Variants in PAPPA observed in about 807,000 individuals in gnomAD.
PAPPA encodes pappalysin-1.
Under a neutral mutation model 164.0 loss-of-function variants are expected in PAPPA, and 60 were observed. The observed-to-expected ratio is 0.37, with a 90% CI of 0.30 to 0.45. The LOEUF (loss-of-function observed/expected upper bound fraction) is 0.45, where lower values mean the gene tolerates loss of function less well. Ranked by LOEUF, PAPPA falls within the 20% of genes least tolerant of loss-of-function variation. The pLI is 1.00. For missense variants in PAPPA, 1,782 were observed against 2,087.3 expected (o/e 0.85, Z 2.85); for synonymous variants, 875 against 814.1 (o/e 1.07, Z -1.27).
At chr9:116,195,868 T>C (rs1844098054) in intron 2 of PAPPA, among the ~76,000 whole-genome samples, 1 of 151,276 alleles carries the variant, frequency 6.6e-6, no homozygotes, top group Non-Finnish European at 1.5e-5. Context: ...TATTTTATCA[T>C]CCTCAGGTTT....
chr9:116,173,736 T>A (rs1843799622), intron 1 of PAPPA, among the ~76,000 whole-genome samples: 1 of 152,212 alleles, frequency 6.6e-6, no homozygotes, highest in South Asian at 2.1e-4. Context: ...CAGCTTCTCC[T>A]TCCCCAAATC....
At chr9:116,196,210 A>C (rs1182185128) in intron 2 of PAPPA, among the ~76,000 whole-genome samples, 1 of 152,214 alleles carries the variant, frequency 6.6e-6, no homozygotes, top group Non-Finnish European at 1.5e-5. Flanking sequence ...AGTCAGGAAC[A>C]TGCCAGGATC....
chr9:116,312,906 A>G (rs1845738527), intron 10 of PAPPA, among the ~76,000 whole-genome samples: 1 of 151,808 alleles, frequency 6.6e-6, no homozygotes, highest in Admixed American at 6.6e-5. Flanking sequence ...ACACGGTGAA[A>G]CCTCATCTCT....
At chr9:116,376,643 C>A (rs1846656966) in intron 19 of PAPPA, among the ~76,000 whole-genome samples, 1 of 152,132 alleles carries the variant, frequency 6.6e-6, no homozygotes, top group Non-Finnish European at 1.5e-5. Flanking sequence ...TCATTATCTT[C>A]ATCATAATTA....
intron 7 of PAPPA, among the ~76,000 whole-genome samples, chr9:116,264,089 C>T (rs1332654562): frequency 6.6e-6 from 1 of 152,068 alleles, no homozygotes; most frequent in Non-Finnish European, 1.5e-5. Context: ...AAAATGAACG[C>T]ATAATACAAG....
rs1845129762 is a variant in PAPPA, at chr9:116,271,058, A to C, written c.2862-267A>C. 6.6e-6 allele frequency among the ~76,000 whole-genome samples: 1 copy of C among 152,240 alleles called. No homozygotes were observed. Among genetic ancestry groups the C allele is most frequent in the Non-Finnish European group, 1.5e-5 (1 of 68,042 alleles). On this transcript the variant is annotated intron_variant, in intron 8 of 21. Transcript: ENST00000328252. This position sits in a 1 kb window ranked among gnomAD's most constrained non-coding sequence, Gnocchi z 4.2. ...TCCATGTCTTACTCCCATCTGACTTAACTGACTTGAGATCTCAGAGAATGA... is the reference window on the plus strand; with the variant it reads ...TCCATGTCTTACTCCCATCTGACTTCACTGACTTGAGATCTCAGAGAATGA...
chr9:116,198,176 G>T (rs1205045415), intron 2 of PAPPA, among the ~76,000 whole-genome samples: 1 of 152,150 alleles, frequency 6.6e-6, no homozygotes. Context: ...GAGAGCTGTG[G>T]GCCCTTGAAC....
intron 21 of PAPPA, among the ~76,000 whole-genome samples, chr9:116,393,030 A>G (rs1251642308): frequency 6.6e-6 from 1 of 152,162 alleles, no homozygotes; most frequent in African/African-American, 2.4e-5. Context: ...GAAACTGCCC[A>G]GACTGGCCTG....
chr9:116,239,806 G>A (rs559316362), intron 7 of PAPPA, among the ~76,000 whole-genome samples: 2 of 152,180 alleles, frequency 1.3e-5, no homozygotes, highest in African/African-American at 4.8e-5. Flanking sequence ...TTAGAGCTGA[G>A]AAATGCATCC....
chr9:116,194,908 A>G (rs747605776), intron 2 of PAPPA, among the ~76,000 whole-genome samples: 5 of 152,208 alleles, frequency 3.3e-5, no homozygotes, highest in Non-Finnish European at 7.3e-5. Context: ...TCAAAATATT[A>G]ACTTTTTTTA....
At chr9:116,246,394 G>C (rs1042921945) in intron 7 of PAPPA, among the ~76,000 whole-genome samples, 1 of 152,108 alleles carries the variant, frequency 6.6e-6, no homozygotes, top group Non-Finnish European at 1.5e-5. Context: ...TATTGGCTAT[G>C]TACAAGGCAT....
At chr9:116,263,756 G>A (rs1232613902) in intron 7 of PAPPA, among the ~76,000 whole-genome samples, 1 of 152,168 alleles carries the variant, frequency 6.6e-6, no homozygotes, top group Non-Finnish European at 1.5e-5. Context: ...TCTTGTCTCT[G>A]TGTTGATATT....
At chr9:116,219,177 G>A (rs575028691) in intron 4 of PAPPA, among the ~76,000 whole-genome samples, 3 of 152,256 alleles carry the variant, frequency 2.0e-5, no homozygotes, top group African/African-American at 7.2e-5. Flanking sequence ...CTTCCTGGTC[G>A]CCTGCCTGTC....
intron 10 of PAPPA, among the ~76,000 whole-genome samples, chr9:116,313,567 T>C (rs1845749859): frequency 6.6e-6 from 1 of 152,180 alleles, no homozygotes; most frequent in Non-Finnish European, 1.5e-5. Flanking sequence ...TAAACTGACA[T>C]GCACCAGGGA....
intron 15 of PAPPA, 34 bp from the exon 16 acceptor site, chr9:116,352,672 C>G: frequency 6.4e-7 from 1 of 1,557,250 alleles, no homozygotes; most frequent in African/African-American, 1.4e-5. Context: ...AGAGACTCCT[C>G]CCTCCTCTAA....
intron 7 of PAPPA, among the ~76,000 whole-genome samples, chr9:116,244,103 G>T (rs571612820): frequency 6.6e-5 from 10 of 152,122 alleles, no homozygotes; most frequent in Non-Finnish European, 1.2e-4. Flanking sequence ...ATGAAATATG[G>T]GTTCTGGGAA....
intron 7 of PAPPA, among the ~76,000 whole-genome samples, chr9:116,238,216 A>G (rs1844694110): frequency 6.6e-6 from 1 of 152,204 alleles, no homozygotes; most frequent in Non-Finnish European, 1.5e-5. Context: ...AAACCAGTGC[A>G]CTTAAACAAG....
chr9:116,343,074 C>T (rs145368185), intron 13 of PAPPA, among the ~76,000 whole-genome samples: 2 of 152,324 alleles, frequency 1.3e-5, no homozygotes, highest in East Asian at 3.9e-4. Flanking sequence ...TTTGGAGTCA[C>T]CCCTCTGGAT....
At chr9:116,275,462 A>G (rs1302335414) in intron 9 of PAPPA, among the ~76,000 whole-genome samples, 3 of 152,054 alleles carry the variant, frequency 2.0e-5, no homozygotes, top group Non-Finnish European at 4.4e-5. Flanking sequence ...GAGGTCTCTT[A>G]TGACATCTTA....
Sources: allele counts gnomAD v4.1 joint callset (sites outside exome capture counted in the v4.1 genomes callset), GRCh38; gene constraint gnomAD v4.1.1; non-coding constraint Gnocchi (gnomAD v3.1); transcripts MANE v1.5; gene names NCBI Gene and HGNC (gene_info 2026-07-23, HGNC 2026-07-21).